Variants in FAM120B observed in about 807,000 individuals in gnomAD.
FAM120B encodes constitutive coactivator of peroxisome proliferator-activated receptor gamma.
In FAM120B, 83 loss-of-function variants were observed where a neutral mutation model predicts 96.3. The ratio of observed to expected loss-of-function variants is 0.86; its 90% CI spans 0.72 to 1.03. FAM120B has a LOEUF of 1.03. Among genes scored for constraint, FAM120B ranks in the 50% least tolerant of loss-of-function variants. The pLI is 0.00. For missense variants in FAM120B, 1,027 were observed against 1,121.2 expected (o/e 0.92, Z 1.20); for synonymous variants, 407 against 402.7 (o/e 1.01, Z -0.13).
chr6:170,298,741 A>C (rs766661069), intron 1 of FAM120B, among the ~76,000 whole-genome samples: 7 of 152,128 alleles, frequency 4.6e-5, no homozygotes, highest in Non-Finnish European at 8.8e-5. Flanking sequence ...TAATAAGCTG[A>C]TTGAGGCAAG....
At chr6:170,343,254 A>C (rs529035208) in intron 4 of FAM120B, among the ~76,000 whole-genome samples, 1 of 152,348 alleles carries the variant, frequency 6.6e-6, no homozygotes, top group African/African-American at 2.4e-5. Context: ...ATTTATGAAA[A>C]GAAGTAACTT....
At chr6:170,311,735 A>G (rs1056752403) in intron 1 of FAM120B, among the ~76,000 whole-genome samples, 1 of 152,216 alleles carries the variant, frequency 6.6e-6, no homozygotes, top group South Asian at 2.1e-4. Flanking sequence ...GACTACTCCA[A>G]TGTCTAACAT....
intron 4 of FAM120B, among the ~76,000 whole-genome samples, chr6:170,343,571 T>A (rs1312670538): frequency 4.6e-5 from 7 of 152,094 alleles, no homozygotes; most frequent in Non-Finnish European, 1.0e-4. Context: ...TCATTAGAAC[T>A]CCTCAAGAGC....
intron 6 of FAM120B, among the ~76,000 whole-genome samples, chr6:170,374,137 G>A (rs191708181): frequency 8.5e-5 from 13 of 152,242 alleles, no homozygotes; most frequent in African/African-American, 3.1e-4. Flanking sequence ...TTCCCCTCTG[G>A]TCCTGACACC....
intron 6 of FAM120B, among the ~76,000 whole-genome samples, chr6:170,388,063 C>CG (rs1790288569): frequency 6.6e-6 from 1 of 152,194 alleles, no homozygotes; most frequent in Non-Finnish European, 1.5e-5. Flanking sequence ...AAGACACACT[C>CG]TGACTGTAGA....
intron 3 of FAM120B, among the ~76,000 whole-genome samples, chr6:170,328,638 T>C (rs1472525127): frequency 6.6e-6 from 1 of 152,210 alleles, no homozygotes; most frequent in Non-Finnish European, 1.5e-5. Context: ...ATTCTTGAGC[T>C]TCCTAAATCT....
intron 6 of FAM120B, among the ~76,000 whole-genome samples, chr6:170,385,020 CACCCAAAAGCTATAGAGTAA>C (rs1339015689): frequency 2.0e-5 from 3 of 152,174 alleles, no homozygotes; most frequent in African/African-American, 7.2e-5. Flanking sequence ...TAGAATCCTG[CACCCAAAAGCTATAGAGTAA>C]ACACTTCTCC....
At chr6:170,386,833 A>G (rs935666160) in intron 6 of FAM120B, among the ~76,000 whole-genome samples, 4 of 152,260 alleles carry the variant, frequency 2.6e-5, no homozygotes, top group Admixed American at 6.5e-5. Context: ...TCATGAAAAT[A>G]AAGCTTCCAA....
intron 2 of FAM120B, among the ~76,000 whole-genome samples, chr6:170,321,823 A>G (rs754247115): frequency 1.3e-5 from 2 of 152,234 alleles, no homozygotes; most frequent in Non-Finnish European, 2.9e-5. Flanking sequence ...TTCTATAGGA[A>G]GAAGGTAAGG....
chr6:170,381,220 A>G (rs1324180931), intron 6 of FAM120B, among the ~76,000 whole-genome samples: 4 of 152,204 alleles, frequency 2.6e-5, no homozygotes, highest in Non-Finnish European at 4.4e-5. Flanking sequence ...GGATATTACT[A>G]TAGACCCTTC....
intron 9 of FAM120B, among the ~76,000 whole-genome samples, chr6:170,400,793 A>C (rs2115345244): frequency 6.6e-6 from 1 of 152,342 alleles, no homozygotes; most frequent in Non-Finnish European, 1.5e-5. Context: ...GTTCTTGCAG[A>C]ATGAAGTGAA....
At chr6:170,361,237 C>CGTGTATATATATAT (rs1471508579) in intron 6 of FAM120B, among the ~76,000 whole-genome samples, 2 of 54,062 alleles carry the variant, frequency 3.7e-5, no homozygotes, top group African/African-American at 1.2e-4. Flanking sequence ...TATATATATA[C>CGTGTATATATATAT]ACGTATATAT....
chr6:170,369,277 G>T (rs1356517587), intron 6 of FAM120B, among the ~76,000 whole-genome samples: 1 of 152,224 alleles, frequency 6.6e-6, no homozygotes, highest in African/African-American at 2.4e-5. Flanking sequence ...CAAGAGAGAA[G>T]AGAGGTTTGT....
chr6:170,321,212 A>G (rs899560694), intron 2 of FAM120B, among the ~76,000 whole-genome samples: 1 of 152,160 alleles, frequency 6.6e-6, no homozygotes, highest in African/African-American at 2.4e-5. Flanking sequence ...TTTTTTTGCA[A>G]TGTCATCTTC....
chr6:170,305,113 A>G (rs1784236123), upstream of FAM120B, among the ~76,000 whole-genome samples: 2 of 151,598 alleles, frequency 1.3e-5, no homozygotes, highest in South Asian at 4.2e-4. Context: ...TCACTTCCCA[A>G]AGGCCCCACC....
chr6:170,316,221 G>A (rs891817952), intron 1 of FAM120B, among the ~76,000 whole-genome samples: 1 of 152,168 alleles, frequency 6.6e-6, no homozygotes, highest in Non-Finnish European at 1.5e-5. Flanking sequence ...GATGTTAAAT[G>A]CCTACCACTG....
chr6:170,389,498 G>A (rs954683376), intron 7 of FAM120B, among the ~76,000 whole-genome samples: 10 of 151,870 alleles, frequency 6.6e-5, no homozygotes, highest in African/African-American at 2.4e-4. Context: ...TTTAATTTTT[G>A]AAGTGCTTTT....
chr6:170,397,182 G>T (rs374437692), intron 9 of FAM120B, among the ~76,000 whole-genome samples: 2 of 152,240 alleles, frequency 1.3e-5, no homozygotes, highest in East Asian at 3.9e-4. Context: ...CTGGGCTTCT[G>T]AGTCTTTGGG....
chr6:170,362,150 A>G (rs930389071), intron 6 of FAM120B, among the ~76,000 whole-genome samples: 1 of 152,232 alleles, frequency 6.6e-6, no homozygotes, highest in East Asian at 1.9e-4. Context: ...GAATTATATT[A>G]TGGACCAGTA....
Sources: allele counts gnomAD v4.1 joint callset (sites outside exome capture counted in the v4.1 genomes callset), GRCh38; gene constraint gnomAD v4.1.1; transcripts MANE v1.5; gene names NCBI Gene and HGNC (gene_info 2026-07-23, HGNC 2026-07-21).